Variants in BNIP3L observed in about 807,000 individuals in gnomAD.
The protein encoded by BNIP3L is BCL2 interacting protein 3 like, also known as BCL2/adenovirus E1B 19 kDa protein-interacting protein 3-like.
BNIP3L carries 10 observed loss-of-function variants against 25.5 expected under a neutral mutation model. The observed-to-expected ratio is 0.39, with a 90% CI of 0.24 to 0.67. BNIP3L has a LOEUF of 0.67. Ranked by LOEUF, BNIP3L falls within the 30% of genes least tolerant of loss-of-function variation. BNIP3L has a pLI of 0.45. For synonymous variants in BNIP3L, 113 were observed against 101.2 expected, an observed-to-expected ratio of 1.12 and a Z score of -0.70; for missense variants, 215 against 270.9, an observed-to-expected ratio of 0.79 and a Z score of 1.45.
At chr8:26,410,335 T>C (rs769282864) in intron 5 of BNIP3L, 29 bp from the exon 6 acceptor site, 1 of 1,613,788 alleles carries the variant, frequency 6.2e-7, no homozygotes, top group Non-Finnish European at 8.5e-7. Context: ...TTGAAACAGG[T>C]GAAACATGAT....
chr8:26,405,350 G>A (rs1047986771), intron 3 of BNIP3L, among the ~76,000 whole-genome samples: 2 of 152,124 alleles, frequency 1.3e-5, no homozygotes, highest in Non-Finnish European at 1.5e-5. Context: ...TTTTGATTTG[G>A]GATGATTTCA....
At chr8:26,406,832 C>T (rs1057050504) in intron 3 of BNIP3L, among the ~76,000 whole-genome samples, 2 of 151,450 alleles carry the variant, frequency 1.3e-5, no homozygotes, top group Non-Finnish European at 2.9e-5. Flanking sequence ...AAAAAAAATG[C>T]ATGTAACATG....
intron 1 of BNIP3L, among the ~76,000 whole-genome samples, chr8:26,386,048 A>G (rs889909674): frequency 3.9e-5 from 6 of 152,204 alleles, no homozygotes; most frequent in African/African-American, 1.2e-4. Context: ...AAGTTGCACA[A>G]CTGAAAAACA....
rs1806649005 is a variant in BNIP3L, at chr8:26,412,392, C to T, written c.*1980C>T. On this transcript the variant is annotated 3_prime_UTR_variant, in exon 6 of 6. Transcript: ENST00000380629. ...ATTACAGGGGGGAAAAGTAAAATTA[C>T]ACTTTACCTGAAAGTGACTTCTTAC... The T allele has an allele frequency of 6.6e-6, 1 of 152,186 alleles. No individual in the cohort carries two copies. Among genetic ancestry groups the T allele is most frequent in the African/African-American group, 2.4e-5 (1 of 41,450 alleles). 9.4% of individuals were successfully genotyped at this position (152,186 alleles called of 1,614,324 possible).
In BNIP3L at chr8:26,383,101, T is replaced by C; in HGVS notation, c.-30T>C. 5 of 1,567,984 alleles carry C rather than the reference T, an allele frequency of 3.2e-6. No individual in the cohort carries two copies. The highest frequency in any genetic ancestry group is 3.5e-6 in the Non-Finnish European group (4 of 1,152,802). ...GCCTGAGTGCCGGAGACGGTCCTGC[T>C]GCTGCCGCAGTCCTGCCAGCTGTCC... On this transcript the variant is annotated 5_prime_UTR_variant, in exon 1 of 6. Transcript: ENST00000380629.
chr8:26,393,413 G>A (rs1057078050), intron 2 of BNIP3L, among the ~76,000 whole-genome samples: 2 of 147,770 alleles, frequency 1.4e-5, no homozygotes, highest in African/African-American at 2.5e-5. Flanking sequence ...TCACCCAGAA[G>A]CTTTTAAAAA....
intron 3 of BNIP3L, among the ~76,000 whole-genome samples, chr8:26,403,209 G>A (rs769230218): frequency 1.5e-4 from 23 of 152,174 alleles, no homozygotes; most frequent in Non-Finnish European, 3.1e-4. Context: ...AGAGATAACA[G>A]TTGAGTAGGA....
At chr8:26,389,449 C>A (rs938691143) in intron 1 of BNIP3L, among the ~76,000 whole-genome samples, 2 of 151,636 alleles carry the variant, frequency 1.3e-5, no homozygotes, top group African/African-American at 4.9e-5. Context: ...TTTGTTAATC[C>A]ATTTTGAGTT....
intron 1 of BNIP3L, among the ~76,000 whole-genome samples, chr8:26,389,560 T>C (rs1425067172): frequency 6.6e-6 from 1 of 152,202 alleles, no homozygotes; most frequent in Non-Finnish European, 1.5e-5. Flanking sequence ...TGGTGGTGAC[T>C]ATGGGATGGT....
chr8:26,408,202 A>G (rs753386018), intron 4 of BNIP3L, 25 bp from the exon 5 acceptor site: 2 of 1,612,520 alleles, frequency 1.2e-6, no homozygotes, highest in South Asian at 1.1e-5. Flanking sequence ...AGCAAATGAC[A>G]TCTGCCTCTG....
intron 1 of BNIP3L, chr8:26,390,525 T>TA: frequency 2.0e-6 from 2 of 985,378 alleles, no homozygotes; most frequent in Non-Finnish European, 2.4e-6. Context: ...AAGGTATGTT[T>TA]AGTGTATAAA....
At chr8:26,390,282 A>T in intron 1 of BNIP3L, 2 of 907,616 alleles carry the variant, frequency 2.2e-6, no homozygotes, top group Non-Finnish European at 2.6e-6. Context: ...AAAGCACCTT[A>T]ATACGTTTAG....
chr8:26,390,458 A>T, intron 1 of BNIP3L: 1 of 985,334 alleles, frequency 1.0e-6, no homozygotes, highest in African/African-American at 1.7e-5. Flanking sequence ...ACAGGGTTTA[A>T]TGAAAACCCT....
chr8:26,385,044 G>C (rs1306453244), intron 1 of BNIP3L, among the ~76,000 whole-genome samples: 1 of 152,010 alleles, frequency 6.6e-6, no homozygotes, highest in Non-Finnish European at 1.5e-5. Context: ...GCCTCCCAAA[G>C]TGCTGGGATT....
In BNIP3L at chr8:26,410,367, C is replaced by T. The variant is rs1425377560; in HGVS notation, c.615C>T (p.Ile205=). 2 of 1,613,926 alleles carry T rather than the reference C, an allele frequency of 1.2e-6. No individual in the cohort carries two copies. The stretch of plus-strand genomic sequence containing the variant: ...TGATGCTTCTGCTTCCTTTCAGCAT[C>T]TATATTGGAAAGCGACTGAGCACAC... ...LSHVLALGLG[I]YIGKRLSTPS... Residue 205 remains isoleucine (I), a synonymous_variant, in exon 6 of 6, where the codon ATC becomes ATT. Coordinates refer to ENST00000380629, the MANE Select transcript of BNIP3L (RefSeq NM_004331.3).
intron 3 of BNIP3L, among the ~76,000 whole-genome samples, chr8:26,401,505 A>G (rs1806374893): frequency 6.7e-6 from 1 of 149,804 alleles, no homozygotes; most frequent in Non-Finnish European, 1.5e-5. Flanking sequence ...AGCATGGCAC[A>G]TGTATACATA....
chr8:26,399,026 C>T (rs1427138725), intron 3 of BNIP3L, among the ~76,000 whole-genome samples: 1 of 151,506 alleles, frequency 6.6e-6, no homozygotes, highest in East Asian at 2.0e-4. Context: ...GAAACTATTC[C>T]AATCAATAGA....
chr8:26,392,641 G>A (rs1032162173), intron 2 of BNIP3L, among the ~76,000 whole-genome samples: 1 of 151,866 alleles, frequency 6.6e-6, no homozygotes, highest in Admixed American at 6.6e-5. Context: ...TGTCATAAGC[G>A]GAACCAGAGC....
intron 1 of BNIP3L, chr8:26,383,466 G>C (rs1373885902): frequency 3.0e-6 from 4 of 1,327,682 alleles, no homozygotes; most frequent in East Asian, 3.5e-5. Flanking sequence ...CTCGCGGTCC[G>C]GGAGCGGCGC....
Sources: gnomAD v4.1 joint callset for allele counts (sites outside exome capture counted in the v4.1 genomes callset) on GRCh38, gnomAD v4.1.1 for gene constraint, MANE v1.5 for transcripts, NCBI Gene and HGNC (gene_info 2026-07-23, HGNC 2026-07-21) for gene names.